Variants in CNTN5 observed in about 807,000 individuals in gnomAD.
CNTN5 encodes the protein contactin-5.
A neutral mutation model predicts 129.1 loss-of-function variants in CNTN5; 77 were observed. That is an observed-to-expected ratio of 0.60 (90% CI 0.50 to 0.72). The LOEUF is 0.72. Among genes scored for constraint, CNTN5 ranks in the 30% least tolerant of loss-of-function variants. CNTN5 has a pLI of 0.00. For synonymous variants in CNTN5, 509 were observed against 465.6 expected, an observed-to-expected ratio of 1.09 and a Z score of -1.20; for missense variants, 1,478 against 1,328.8, an observed-to-expected ratio of 1.11 and a Z score of -1.75.
chr11:99,830,082 G>C (rs982035000), intron 4 of CNTN5, among the ~76,000 whole-genome samples: 3 of 152,118 alleles, frequency 2.0e-5, no homozygotes, highest in Non-Finnish European at 4.4e-5. Flanking sequence ...GAGGCAGTCT[G>C]GATTAGGAGT....
chr11:99,490,793 C>A (rs2135348182), intron 2 of CNTN5, among the ~76,000 whole-genome samples: 1 of 152,232 alleles, frequency 6.6e-6, no homozygotes, highest in East Asian at 1.9e-4. Flanking sequence ...TCCTATCTCT[C>A]ATTGATAAAA....
At chr11:100,091,743 A>G (rs1037719312) in intron 13 of CNTN5, among the ~76,000 whole-genome samples, 1 of 151,738 alleles carries the variant, frequency 6.6e-6, no homozygotes, top group Non-Finnish European at 1.5e-5. Context: ...TTCATTTTTT[A>G]TTTGTCTCAC....
intron 8 of CNTN5, among the ~76,000 whole-genome samples, chr11:99,992,192 G>T (rs924810380): frequency 6.6e-6 from 1 of 152,164 alleles, no homozygotes; most frequent in East Asian, 1.9e-4. Context: ...CTGGACAGGA[G>T]TTCTTAACTC....
At chr11:99,472,145 G>A (rs530197974) in intron 2 of CNTN5, among the ~76,000 whole-genome samples, 1 of 152,150 alleles carries the variant, frequency 6.6e-6, no homozygotes, top group South Asian at 2.1e-4. Context: ...TCCCCTGCAA[G>A]TCTCCATCGA....
Position 100,223,177 on chromosome 11 carries a change from T to C in CNTN5, c.1885-1515T>C, listed in dbSNP as rs189399292. Among the ~76,000 whole-genome samples, 744 of 152,266 alleles carry C rather than the reference T, an allele frequency of 4.9e-3. 10 individuals are homozygous for C. The highest frequency in any genetic ancestry group is 4.7e-3 in the Non-Finnish European group (321 of 68,002). On this transcript the variant is annotated intron_variant, in intron 15 of 24. Transcript: ENST00000524871. Reference sequence around the variant, plus strand: ...ATCACATTCCTTGAAAGAATTCTTATGACATTTTAATGCATTCTCACTATG... The same window carrying C: ...ATCACATTCCTTGAAAGAATTCTTACGACATTTTAATGCATTCTCACTATG...
At chr11:100,172,268 G>GAA (rs141351161) in intron 13 of CNTN5, among the ~76,000 whole-genome samples, 1 of 148,078 alleles carries the variant, frequency 6.8e-6, no homozygotes, top group South Asian at 2.1e-4. Context: ...CCTTCATGGG[G>GAA]AAAAAAAAAA....
chr11:99,077,103 G>T (rs906600653), intron 1 of CNTN5, among the ~76,000 whole-genome samples: 1 of 148,498 alleles, frequency 6.7e-6, no homozygotes, highest in Non-Finnish European at 1.5e-5. Flanking sequence ...GTAAGTGATG[G>T]TATTGAGTTT....
chr11:100,281,858 T>A (rs569205601), intron 18 of CNTN5, among the ~76,000 whole-genome samples: 3 of 152,158 alleles, frequency 2.0e-5, no homozygotes, highest in Non-Finnish European at 4.4e-5. Flanking sequence ...AGATCAATTC[T>A]ACTATTAAAA....
Position 99,204,173 on chromosome 11 carries a change from C to T in CNTN5, c.-209-121173C>T, listed in dbSNP as rs375712663. Among the ~76,000 whole-genome samples, 19 of 152,232 alleles carry T rather than the reference C, an allele frequency of 1.2e-4. 1 individual carries two copies. The South Asian group carries it at 3.5e-3, about 28-fold the overall frequency. ...GTGCAATTGTTCATGCAAAGGTAAT[C>T]GTTAATTCTCTCAGATTCTTGAAAG... On this transcript the variant is annotated intron_variant, in intron 1 of 24. Coordinates refer to ENST00000524871, the MANE Select transcript of CNTN5 (RefSeq NM_014361.4).
At chr11:99,800,599 T>C (rs1048568402) in intron 3 of CNTN5, among the ~76,000 whole-genome samples, 2 of 152,192 alleles carry the variant, frequency 1.3e-5, no homozygotes, top group Admixed American at 6.5e-5. Context: ...CTAAAAGTAC[T>C]TCTTTTATGA....
intron 3 of CNTN5, among the ~76,000 whole-genome samples, chr11:99,802,742 A>C (rs1946152579): frequency 6.6e-6 from 1 of 152,130 alleles, no homozygotes; most frequent in Non-Finnish European, 1.5e-5. Flanking sequence ...CTACCTGGAC[A>C]TGCCATGCAG....
chr11:99,219,796 A>AAGGAGACC (rs1395792336), intron 1 of CNTN5, among the ~76,000 whole-genome samples: 1 of 152,012 alleles, frequency 6.6e-6, no homozygotes, highest in Non-Finnish European at 1.5e-5. Flanking sequence ...GGATAGAAGC[A>AAGGAGACC]AGGAGACCAG....
intron 18 of CNTN5, among the ~76,000 whole-genome samples, chr11:100,286,327 C>G (rs1252932857): frequency 2.0e-5 from 3 of 152,098 alleles, no homozygotes; most frequent in Non-Finnish European, 2.9e-5. Flanking sequence ...AAAAAGACAG[C>G]AGGAACCTCT....
chr11:99,737,157 ACACACG>A (rs940826489), intron 3 of CNTN5, among the ~76,000 whole-genome samples: 8 of 151,228 alleles, frequency 5.3e-5, no homozygotes, highest in Non-Finnish European at 8.8e-5. Flanking sequence ...ACACACACAC[ACACACG>A]CACACGCACA....
intron 1 of CNTN5, among the ~76,000 whole-genome samples, chr11:99,290,148 T>C (rs1864109085): frequency 6.6e-6 from 1 of 151,810 alleles, no homozygotes; most frequent in African/African-American, 2.4e-5. Flanking sequence ...CCTTATATAC[T>C]GAATGCTTAT....
chr11:100,019,018 G>A (rs543141192), intron 9 of CNTN5, among the ~76,000 whole-genome samples: 94 of 151,884 alleles, frequency 6.2e-4, no homozygotes, highest in Non-Finnish European at 5.8e-4. Flanking sequence ...TAAATTTTGC[G>A]TGAGAGTTGT....
chr11:100,144,707 T>C (rs2138272980), intron 13 of CNTN5, among the ~76,000 whole-genome samples: 1 of 149,618 alleles, frequency 6.7e-6, no homozygotes. Flanking sequence ...AATTATGCTT[T>C]CTTTTCTTCA....
At chr11:100,219,879 A>T (rs1312614062) in intron 15 of CNTN5, among the ~76,000 whole-genome samples, 1 of 152,230 alleles carries the variant, frequency 6.6e-6, no homozygotes, top group Non-Finnish European at 1.5e-5. Flanking sequence ...TTCTAAAAAC[A>T]ATATTAAAAC....
chr11:100,084,928 G>A (rs1944492258), intron 13 of CNTN5, among the ~76,000 whole-genome samples: 1 of 152,050 alleles, frequency 6.6e-6, no homozygotes, highest in African/African-American at 2.4e-5. Context: ...ACCGACAGTA[G>A]ACAGATTAAT....
Sources: gnomAD v4.1 joint callset for allele counts (sites outside exome capture counted in the v4.1 genomes callset) on GRCh38, gnomAD v4.1.1 for gene constraint, MANE v1.5 for transcripts, NCBI Gene and HGNC (gene_info 2026-07-23, HGNC 2026-07-21) for gene names.